Variants in GTF2A2 observed in about 807,000 individuals in gnomAD.
GTF2A2 encodes the protein general transcription factor IIA subunit 2, also known as transcription initiation factor IIA subunit 2.
A neutral mutation model predicts 14.3 loss-of-function variants in GTF2A2; 9 were observed. The ratio of observed to expected loss-of-function variants is 0.63; its 90% CI spans 0.38 to 1.10. The LOEUF is 1.10. GTF2A2 is among the 50% of genes least tolerant of loss of function. GTF2A2 has a pLI of 0.01. For synonymous variants in GTF2A2, 56 were observed against 46.0 expected (o/e 1.22, Z -0.88); for missense variants, 90 against 124.6 (o/e 0.72, Z 1.32).
chr15:59,643,720 C>A (rs1235612330), intron 3 of GTF2A2, among the ~76,000 whole-genome samples: 1 of 151,320 alleles, frequency 6.6e-6, no homozygotes, highest in Non-Finnish European at 1.5e-5. Flanking sequence ...GTCTCAGCCT[C>A]CAGAGTAGCT....
At position 59,639,001 on chromosome 15, in the gene GTF2A2, A is replaced by C. The variant is rs1428937311; in HGVS notation, c.*131T>G. ...GCTACAGAGTTACAAGTTTCTTTCT[A>C]CTGGAATTCTCTGGTATAGCACAGT... On this transcript the variant is annotated 3_prime_UTR_variant, in exon 5 of 5. Transcript: ENST00000396060. The C allele has an allele frequency of 7.7e-6, 5 of 650,094 alleles. No homozygotes were observed. Among genetic ancestry groups the C allele is most frequent in the Non-Finnish European group, 1.4e-5 (5 of 356,574 alleles). The allele number at this position is 650,094 out of a possible 1,614,324, so 40.3% of individuals were successfully genotyped here.
intron 2 of GTF2A2, 54 bp downstream of exon 2, chr15:59,652,152 A>G (rs1202347625): frequency 2.0e-6 from 2 of 976,122 alleles, no homozygotes; most frequent in African/African-American, 3.3e-5. Context: ...TATGACAAGA[A>G]TTACTGTAAA....
At chr15:59,640,673 T>A (rs1387624901) in intron 4 of GTF2A2, among the ~76,000 whole-genome samples, 1 of 152,162 alleles carries the variant, frequency 6.6e-6, no homozygotes, top group Non-Finnish European at 1.5e-5. Flanking sequence ...TTGATAGAGA[T>A]CTAGGTATTA....
At chr15:59,650,798 T>G (rs371351585) in intron 2 of GTF2A2, 25 bp from the exon 3 acceptor site, 21 of 1,201,226 alleles carry the variant, frequency 1.7e-5, no homozygotes, top group Non-Finnish European at 2.1e-5. Flanking sequence ...AGGTCATAAA[T>G]CCCGTTAAGG....
At chr15:59,642,324 A>G in intron 3 of GTF2A2, 62 bp from the exon 4 acceptor site, 1 of 1,445,728 alleles carries the variant, frequency 6.9e-7, no homozygotes, top group Non-Finnish European at 9.4e-7. Flanking sequence ...TTTTCTCCAA[A>G]GCAATTTAAG....
At chr15:59,642,989 A>T (rs1891481402) in intron 3 of GTF2A2, among the ~76,000 whole-genome samples, 1 of 151,168 alleles carries the variant, frequency 6.6e-6, no homozygotes, top group Non-Finnish European at 1.5e-5. Flanking sequence ...ATGGTCTCGA[A>T]CTCTGACCTC....
intron 3 of GTF2A2, among the ~76,000 whole-genome samples, chr15:59,643,072 ATTTTTTTTT>A (rs398043378): frequency 1.9e-4 from 12 of 64,106 alleles, no homozygotes; most frequent in African/African-American, 7.0e-4. Context: ...GGCCTATATA[ATTTTTTTTT>A]TTTTTTTTTT....
intron 4 of GTF2A2, among the ~76,000 whole-genome samples, chr15:59,641,930 G>A (rs973742301): frequency 6.6e-6 from 1 of 152,194 alleles, no homozygotes; most frequent in African/African-American, 2.4e-5. Context: ...ACCTGTGTAA[G>A]CAGTCTATAT....
rs1429431576 is a variant in GTF2A2, at chr15:59,650,594, G to A, written c.177+75C>T. 4 of 792,560 alleles carry A rather than the reference G, an allele frequency of 5.0e-6. No individual in the cohort carries two copies. The African/African-American group carries it at 5.1e-5, about 10-fold the overall frequency. The allele number at this position is 792,560 out of a possible 1,614,324, so 49.1% of individuals were successfully genotyped here. ...TCTTCCTCTTATGATTAATAAATAT[G>A]TAGGGGTCCTAAAAAAAAATCAGTG... On this transcript the variant is annotated intron_variant, in intron 3 of 4. Coordinates refer to ENST00000396060, the MANE Select transcript of GTF2A2 (RefSeq NM_004492.3).
chr15:59,641,487 CTT>C (rs1491498360), intron 4 of GTF2A2, among the ~76,000 whole-genome samples: 3 of 152,118 alleles, frequency 2.0e-5, no homozygotes, highest in Non-Finnish European at 2.9e-5. Context: ...GAGCAGCAGT[CTT>C]TTCTATTTAC....
chr15:59,641,868 G>GA (rs1239053498), intron 4 of GTF2A2, among the ~76,000 whole-genome samples: 1 of 152,166 alleles, frequency 6.6e-6, no homozygotes, highest in Non-Finnish European at 1.5e-5. Context: ...ATTTGTAATG[G>GA]AAATAGGGAA....
At chr15:59,655,771 T>C (rs1330845231) in intron 1 of GTF2A2, among the ~76,000 whole-genome samples, 1 of 152,220 alleles carries the variant, frequency 6.6e-6, no homozygotes, top group Non-Finnish European at 1.5e-5. Flanking sequence ...TTTTGCATCG[T>C]GGCTTAAAGA....
At chr15:59,646,267 G>C (rs1371290813) in intron 3 of GTF2A2, among the ~76,000 whole-genome samples, 1 of 152,114 alleles carries the variant, frequency 6.6e-6, no homozygotes, top group East Asian at 1.9e-4. Flanking sequence ...TATTGGTCAG[G>C]CTGGTCTTGA....
chr15:59,641,506 G>A (rs1431399466), intron 4 of GTF2A2, among the ~76,000 whole-genome samples: 1 of 152,022 alleles, frequency 6.6e-6, no homozygotes, highest in Non-Finnish European at 1.5e-5. Context: ...TTACTTTCTG[G>A]AATAGCTGCT....
intron 1 of GTF2A2, among the ~76,000 whole-genome samples, chr15:59,653,636 C>T (rs1246997009): frequency 6.6e-6 from 1 of 152,110 alleles, no homozygotes; most frequent in Non-Finnish European, 1.5e-5. Context: ...CTCATCCAGA[C>T]TTACGGCTTT....
At chr15:59,656,944 C>G (rs754526962) in intron 1 of GTF2A2, 5 of 152,230 alleles carry the variant, frequency 3.3e-5, no homozygotes, top group Non-Finnish European at 7.3e-5. Context: ...CTCGTCCTAG[C>G]ATTTTTTGAT....
intron 4 of GTF2A2, among the ~76,000 whole-genome samples, chr15:59,639,775 G>C (rs1221028043): frequency 1.4e-5 from 2 of 144,892 alleles, no homozygotes. Flanking sequence ...TTTAAAGACA[G>C]AGTCACACTG....
In GTF2A2 at chr15:59,650,801, C is replaced by A. The variant is rs763355565; in HGVS notation, c.73-28G>T. The stretch of plus-strand genomic sequence containing the variant: ...GAGAAAAGGTAAAGGTCATAAATCC[C>A]GTTAAGGAAGAACATTAAAGACAAA... On this transcript the variant is annotated intron_variant, in intron 2 of 4. Transcript: ENST00000396060. The A allele has an allele frequency of 2.6e-5, 30 of 1,162,048 alleles. No individual in the cohort carries two copies. The East Asian group carries it at 7.0e-4, about 27-fold the overall frequency. 72.0% of individuals were successfully genotyped at this position (1,162,048 alleles called of 1,614,324 possible). A position where few individuals can be genotyped will look rare whatever the true frequency, so the allele number is the denominator to read the frequency against.
In GTF2A2 at chr15:59,638,999, CTACTGGAATT is replaced by C. The variant is rs1891283703; in HGVS notation, c.*123_*132del. 1.5e-6 allele frequency: 1 copy of C among 645,868 alleles called. No homozygotes were observed. The highest frequency in any genetic ancestry group is 1.9e-5 in the African/African-American group (1 of 53,706). 40.0% of individuals were successfully genotyped at this position (645,868 alleles called of 1,614,324 possible). A position where few individuals can be genotyped will look rare whatever the true frequency, so the allele number is the denominator to read the frequency against. Reference sequence around the variant, plus strand: ...AGGCTACAGAGTTACAAGTTTCTTTCTACTGGAATTCTCTGGTATAGCACAGTGTAGTCAT... The same window carrying C: ...AGGCTACAGAGTTACAAGTTTCTTTCCTCTGGTATAGCACAGTGTAGTCAT... On this transcript the variant is annotated 3_prime_UTR_variant, in exon 5 of 5. Coordinates refer to ENST00000396060, the MANE Select transcript of GTF2A2 (RefSeq NM_004492.3).
Sources: gnomAD v4.1 joint callset for allele counts (sites outside exome capture counted in the v4.1 genomes callset) on GRCh38, gnomAD v4.1.1 for gene constraint, MANE v1.5 for transcripts, NCBI Gene and HGNC (gene_info 2026-07-23, HGNC 2026-07-21) for gene names.